C12orf42: variants seen among roughly 807,000 people sequenced by gnomAD.
C12orf42 encodes uncharacterized protein C12orf42.
In C12orf42, 25 loss-of-function variants were observed where a neutral mutation model predicts 21.6. That is an observed-to-expected ratio of 1.16 (90% CI 0.84 to 1.62). The LOEUF is 1.62. C12orf42 is among the 40% of genes most tolerant of loss of function. The pLI, the probability that C12orf42 is intolerant of heterozygous loss-of-function variation, is 0.00. For missense variants in C12orf42, 483 were observed against 459.3 expected (o/e 1.05, Z -0.47); for synonymous variants, 174 against 175.0 (o/e 0.99, Z 0.05).
chr12:103,474,797 A>G (rs962570792), intron 2 of C12orf42, among the ~76,000 whole-genome samples: 2 of 152,216 alleles, frequency 1.3e-5, no homozygotes, highest in Non-Finnish European at 2.9e-5. Flanking sequence ...TACAAAATCA[A>G]CAGTGCTACA....
the C12orf42 span, among the ~76,000 whole-genome samples, chr12:103,121,471 C>T: frequency 1.3e-5 from 2 of 152,234 alleles, no homozygotes; most frequent in African/African-American, 2.4e-5. Flanking sequence ...TCCAGGAACA[C>T]GGAGATGAAT....
chr12:103,507,151 A>T, the C12orf42 span, among the ~76,000 whole-genome samples: 62 of 18,402 alleles, frequency 3.4e-3, 8 homozygotes, highest in African/African-American at 0.03. Context: ...ATATAATATA[A>T]ATATATATAT....
rs532340421 is a variant in C12orf42 at position 103,310,554 on chromosome 12, C to A, written c.260-4209G>T. Among the ~76,000 whole-genome samples the A allele has an allele frequency of 1.2e-3, 185 of 152,298 alleles. 1 individual carries two copies. The highest frequency in any genetic ancestry group is 4.3e-3 in the African/African-American group (180 of 41,576). On this transcript the variant is annotated intron_variant, in intron 4 of 5. Coordinates refer to ENST00000548883, the MANE Select transcript of C12orf42 (RefSeq NM_198521.5). ...TGTTCTTGGAATCATCAGAGGCCAC[C>A]AATTTGTGTCTTTGGCCTATGCCAG...
intron 10 of C12orf42, among the ~76,000 whole-genome samples, chr12:103,249,554 A>C (rs1233878348): frequency 4.6e-5 from 7 of 152,006 alleles, no homozygotes; most frequent in Admixed American, 2.0e-4. Flanking sequence ...AGAGTAGTGA[A>C]AAATTTGGGA....
intron 4 of C12orf42, among the ~76,000 whole-genome samples, chr12:103,316,895 T>C (rs1001463840): frequency 2.6e-5 from 4 of 152,152 alleles, no homozygotes; most frequent in Admixed American, 6.5e-5. Flanking sequence ...CCCTACTCCA[T>C]GTCGCCATAT....
At position 103,283,588 on chromosome 12, in the gene C12orf42, T is replaced by A. The variant is rs552301135; in HGVS notation, n.338-6378A>T. The stretch of plus-strand genomic sequence containing the variant: ...CCTCCAGCATGCCAGCTCATTTTCC[T>A]CTCCAGAGTCTTGGACCAGCCAGCG... On this transcript the variant is annotated intron_variant and non_coding_transcript_variant, in intron 4 of 6. Transcript: ENST00000546526. Among the ~76,000 whole-genome samples, 4 of 152,292 alleles carry A rather than the reference T, an allele frequency of 2.6e-5. No homozygotes were observed. The East Asian group carries it at 7.7e-4, about 29-fold the overall frequency.
intron 2 of C12orf42, among the ~76,000 whole-genome samples, chr12:103,407,355 C>A (rs1036807496): frequency 3.9e-5 from 6 of 152,058 alleles, no homozygotes; most frequent in Non-Finnish European, 5.9e-5. Flanking sequence ...GTTTGAACTG[C>A]GCAGGTCTAC....
chr12:103,327,248 TTG>T (rs1403851723), intron 4 of C12orf42, among the ~76,000 whole-genome samples: 1 of 152,162 alleles, frequency 6.6e-6, no homozygotes, highest in East Asian at 1.9e-4. Flanking sequence ...AGTACAGCTT[TTG>T]TGTCAGGACC....
At chr12:103,172,199 A>T in the C12orf42 span, among the ~76,000 whole-genome samples, 1 of 152,038 alleles carries the variant, frequency 6.6e-6, no homozygotes, top group Non-Finnish European at 1.5e-5. Flanking sequence ...TAAATTTCCC[A>T]ATCTGTGATA....
intron 3 of C12orf42, among the ~76,000 whole-genome samples, chr12:103,382,163 CT>C (rs553202390): frequency 7.2e-5 from 11 of 152,016 alleles, no homozygotes; most frequent in East Asian, 3.9e-4. Context: ...GGAATCATGG[CT>C]TTTTTTTGTT....
chr12:103,536,063 G>A, the C12orf42 span, among the ~76,000 whole-genome samples: 1 of 152,248 alleles, frequency 6.6e-6, no homozygotes, highest in Admixed American at 6.5e-5. Flanking sequence ...TTACAGGCAT[G>A]AACTACTATG....
the C12orf42 span, among the ~76,000 whole-genome samples, chr12:103,158,981 T>TAC: frequency 6.7e-6 from 1 of 148,852 alleles, no homozygotes; most frequent in African/African-American, 2.5e-5. Flanking sequence ...TGGTAGAAGG[T>TAC]ACAGTTTTAT....
chr12:103,049,439 C>T, the C12orf42 span, among the ~76,000 whole-genome samples: 30 of 152,178 alleles, frequency 2.0e-4, no homozygotes, highest in African/African-American at 6.8e-4. Flanking sequence ...TCCAAGCTAG[C>T]GTCATCTTTC....
At chr12:103,461,764 G>T (rs114932775) in intron 2 of C12orf42, among the ~76,000 whole-genome samples, 313 of 152,172 alleles carry the variant, frequency 2.1e-3, no homozygotes, top group African/African-American at 7.3e-3. Flanking sequence ...TCAAGTATCC[G>T]ATACATTGCA....
chr12:103,534,000 A>G, the C12orf42 span, among the ~76,000 whole-genome samples: 1 of 152,246 alleles, frequency 6.6e-6, no homozygotes, highest in Non-Finnish European at 1.5e-5. Context: ...GTCATTGTAC[A>G]AATTAAATGA....
chr12:103,420,912 C>A (rs953847033), intron 2 of C12orf42, among the ~76,000 whole-genome samples: 1 of 152,190 alleles, frequency 6.6e-6, no homozygotes, highest in Non-Finnish European at 1.5e-5. Flanking sequence ...AGCGTTAATT[C>A]CACTATTTCT....
At chr12:103,136,033 A>G in the C12orf42 span, among the ~76,000 whole-genome samples, 10 of 152,176 alleles carry the variant, frequency 6.6e-5, no homozygotes, top group African/African-American at 2.2e-4. Flanking sequence ...ACATAGTATT[A>G]GAAGTCCTGG....
chr12:103,149,625 T>A, the C12orf42 span, among the ~76,000 whole-genome samples: 1 of 152,096 alleles, frequency 6.6e-6, no homozygotes, highest in Non-Finnish European at 1.5e-5. Context: ...TCTCATGAGA[T>A]CTGATGGTTT....
At chr12:103,478,222 A>C in intron 2 of C12orf42, 127 bp downstream of exon 2, 2 of 617,644 alleles carry the variant, frequency 3.2e-6, no homozygotes, top group Non-Finnish European at 5.5e-6. Context: ...ATAAATATGG[A>C]AACTAAGAGG....
Sources: allele counts gnomAD v4.1 joint callset (sites outside exome capture counted in the v4.1 genomes callset), GRCh38; gene constraint gnomAD v4.1.1; transcripts MANE v1.5; gene names NCBI Gene and HGNC (gene_info 2026-07-23, HGNC 2026-07-21).